Variants in KCTD16 observed in about 807,000 individuals in gnomAD.
KCTD16 encodes BTB/POZ domain-containing protein KCTD16.
A neutral mutation model predicts 33.2 loss-of-function variants in KCTD16; 13 were observed. That is an observed-to-expected ratio of 0.39 (90% CI 0.25 to 0.62). The LOEUF is 0.62. KCTD16 is among the 20% of genes least tolerant of loss of function. The probability of loss-of-function intolerance (pLI) is 0.50; values close to 1 mark genes in which losing one functional copy is unlikely to be tolerated. For missense variants in KCTD16, 441 were observed against 525.1 expected (o/e 0.84, Z 1.57); for synonymous variants, 197 against 195.3 (o/e 1.01, Z -0.07).
intron 3 of KCTD16, among the ~76,000 whole-genome samples, chr5:144,328,543 A>G (rs920573054): frequency 3.3e-5 from 5 of 151,356 alleles, no homozygotes; most frequent in African/African-American, 4.9e-5. Context: ...TTTTGCAAGC[A>G]GTGAGTGTGT....
intron 3 of KCTD16, among the ~76,000 whole-genome samples, chr5:144,357,212 G>A (rs566452940): frequency 6.6e-6 from 1 of 152,142 alleles, no homozygotes; most frequent in Admixed American, 6.6e-5. Context: ...TGAGTTTTCA[G>A]GGTGTTCCCT....
intron 3 of KCTD16, among the ~76,000 whole-genome samples, chr5:144,430,714 C>G (rs1753438448): frequency 6.6e-6 from 1 of 152,050 alleles, no homozygotes; most frequent in African/African-American, 2.4e-5. Context: ...AATTAGTTTG[C>G]CAGGATTTTT....
chr5:144,286,051 A>G (rs1165108694), intron 3 of KCTD16, among the ~76,000 whole-genome samples: 1 of 151,276 alleles, frequency 6.6e-6, no homozygotes, highest in Non-Finnish European at 1.5e-5. Context: ...TTTGTTTTCA[A>G]TCATCACCAA....
At chr5:144,445,544 G>T (rs1048579957) in intron 3 of KCTD16, among the ~76,000 whole-genome samples, 1 of 151,972 alleles carries the variant, frequency 6.6e-6, no homozygotes, top group African/African-American at 2.4e-5. Flanking sequence ...TATAGAATTT[G>T]AACTTAACAG....
At chr5:144,310,634 A>G (rs1232636729) in intron 3 of KCTD16, among the ~76,000 whole-genome samples, 1 of 152,022 alleles carries the variant, frequency 6.6e-6, no homozygotes, top group Non-Finnish European at 1.5e-5. Flanking sequence ...AATCAAAAAT[A>G]AAACCCAAAC....
chr5:144,287,786 C>T (rs1024488896), intron 3 of KCTD16, among the ~76,000 whole-genome samples: 4 of 151,940 alleles, frequency 2.6e-5, no homozygotes, highest in South Asian at 2.1e-4. Flanking sequence ...GAGGCTCGCA[C>T]GACCTCATCT....
At chr5:144,435,608 A>G (rs1218107997) in intron 3 of KCTD16, among the ~76,000 whole-genome samples, 2 of 152,224 alleles carry the variant, frequency 1.3e-5, no homozygotes, top group African/African-American at 4.8e-5. Flanking sequence ...ATTCTATATT[A>G]CCGGAAATGG....
chr5:144,260,409 AT>A (rs1333812100), intron 3 of KCTD16, among the ~76,000 whole-genome samples: 1 of 152,208 alleles, frequency 6.6e-6, no homozygotes, highest in African/African-American at 2.4e-5. Flanking sequence ...GTTAAAGAAA[AT>A]TCTGAAAGAT....
chr5:144,278,246 A>G (rs1430829834), intron 3 of KCTD16, among the ~76,000 whole-genome samples: 2 of 151,984 alleles, frequency 1.3e-5, no homozygotes, highest in Non-Finnish European at 1.5e-5. Flanking sequence ...TTAATCGTCA[A>G]ACACCATTTG....
At chr5:144,297,575 T>C (rs74360729) in intron 3 of KCTD16, among the ~76,000 whole-genome samples, 3,553 of 152,250 alleles carry the variant, frequency 0.023, 126 homozygotes, top group African/African-American at 0.079. Context: ...ATTCCTACCA[T>C]ATCCCAGCGA....
chr5:144,279,547 G>A (rs950496388), intron 3 of KCTD16, among the ~76,000 whole-genome samples: 8 of 152,160 alleles, frequency 5.3e-5, no homozygotes, highest in East Asian at 3.8e-4. Context: ...TTCTTTCCTC[G>A]TAATTCTGGA....
At chr5:144,263,687 A>G (rs1027085535) in intron 3 of KCTD16, among the ~76,000 whole-genome samples, 2 of 152,244 alleles carry the variant, frequency 1.3e-5, no homozygotes, top group East Asian at 3.8e-4. Flanking sequence ...AAATGACTGC[A>G]GTTTGGGAAA....
intron 3 of KCTD16, among the ~76,000 whole-genome samples, chr5:144,393,479 C>A (rs1752495892): frequency 6.6e-6 from 1 of 152,046 alleles, no homozygotes; most frequent in South Asian, 2.1e-4. Context: ...TACTACTCAA[C>A]CCCTAGGCAA....
intron 3 of KCTD16, among the ~76,000 whole-genome samples, chr5:144,220,115 C>T (rs1296813778): frequency 6.6e-6 from 1 of 152,172 alleles, no homozygotes; most frequent in Non-Finnish European, 1.5e-5. Flanking sequence ...AGGCCAGCCT[C>T]TTTCCCACCT....
chr5:144,247,140 A>T (rs1486928529), intron 3 of KCTD16, among the ~76,000 whole-genome samples: 1 of 152,202 alleles, frequency 6.6e-6, no homozygotes, highest in Admixed American at 6.5e-5. Flanking sequence ...ACTCTTTTAC[A>T]TGACCAGCTA....
chr5:144,271,277 A>G (rs948645082), intron 3 of KCTD16, among the ~76,000 whole-genome samples: 5 of 152,202 alleles, frequency 3.3e-5, no homozygotes, highest in African/African-American at 9.6e-5. Flanking sequence ...AATACTAGCA[A>G]ACAAAATTTG....
intron 3 of KCTD16, among the ~76,000 whole-genome samples, chr5:144,210,596 C>T (rs1753354644): frequency 6.6e-6 from 1 of 152,080 alleles, no homozygotes; most frequent in Non-Finnish European, 1.5e-5. Flanking sequence ...CAGAAAATGC[C>T]TTCTTGATTC....
chr5:144,221,665 A>G (rs1207247863), intron 3 of KCTD16, among the ~76,000 whole-genome samples: 1 of 152,054 alleles, frequency 6.6e-6, no homozygotes, highest in Non-Finnish European at 1.5e-5. Flanking sequence ...CCAGTCTATT[A>G]TTGATGGGCA....
intron 3 of KCTD16, among the ~76,000 whole-genome samples, chr5:144,234,337 T>C (rs545847538): frequency 1.3e-5 from 2 of 152,288 alleles, no homozygotes; most frequent in Non-Finnish European, 2.9e-5. Flanking sequence ...CTTGTAAGAA[T>C]TGAAATATAT....
Sources: gnomAD v4.1 joint callset for allele counts (sites outside exome capture counted in the v4.1 genomes callset) on GRCh38, gnomAD v4.1.1 for gene constraint, MANE v1.5 for transcripts, NCBI Gene and HGNC (gene_info 2026-07-23, HGNC 2026-07-21) for gene names.